Variants in PFN1 observed in about 807,000 individuals in gnomAD.
The protein encoded by PFN1 is profilin 1.
PFN1 carries 2 observed loss-of-function variants against 11.7 expected under a neutral mutation model. That is an observed-to-expected ratio of 0.17 (90% confidence interval 0.07 to 0.54). The LOEUF (loss-of-function observed/expected upper bound fraction) is 0.54. Among genes scored for constraint, PFN1 ranks in the 20% least tolerant of loss-of-function variants. PFN1 has a pLI of 0.94. For missense variants in PFN1, 97 were observed against 188.4 expected (o/e 0.51, Z 2.84); for synonymous variants, 78 against 76.2 (o/e 1.02, Z -0.12).
chr17:4,946,891 C>T (rs746405043), intron 1 of PFN1, 71 bp from the exon 2 acceptor site: 16 of 1,415,062 alleles, frequency 1.1e-5, no homozygotes, highest in Non-Finnish European at 1.5e-5. Context: ...TCCAAAGACC[C>T]ACCTGTCTTC....
chr17:4,948,012 T>A, intron 1 of PFN1: 2 of 369,374 alleles, frequency 5.4e-6, no homozygotes, highest in African/African-American at 2.2e-5. Context: ...CTCCCCGCCC[T>A]GTGCCCCGGA....
At position 4,946,945 on chromosome 17, in the gene PFN1, T is replaced by C. The variant is rs2233655; in HGVS notation, c.133-125A>G. 0.013 allele frequency: 9,497 copies of C among 712,276 alleles called. 100 individuals are homozygous for C. Among genetic ancestry groups the C allele is most frequent in the Middle Eastern group, 0.017 (42 of 2,482 alleles). The allele number at this position is 712,276 out of a possible 1,614,324, so 44.1% of individuals were successfully genotyped here. A position where few individuals can be genotyped will look rare whatever the true frequency, so the allele number is the denominator to read the frequency against. ...CGCCGTGGGGGCTAAGTATAAATTATATACTCAGTACACATCAATGAACTG... is the reference window on the plus strand; with the variant it reads ...CGCCGTGGGGGCTAAGTATAAATTACATACTCAGTACACATCAATGAACTG... On this transcript the variant is annotated intron_variant, in intron 1 of 2. Coordinates refer to ENST00000225655, the MANE Select transcript of PFN1 (RefSeq NM_005022.4).
chr17:4,945,666 T>C lies in PFN1; in HGVS notation c.*234A>G, dbSNP rs1051713119. 9 of 434,550 alleles carry C rather than the reference T, an allele frequency of 2.1e-5. No individual in the cohort carries two copies. Among genetic ancestry groups the C allele is most frequent in the Non-Finnish European group, 3.3e-5 (8 of 240,136 alleles). The allele number at this position is 434,550 out of a possible 1,614,324, so 26.9% of individuals were successfully genotyped here. On this transcript the variant is annotated 3_prime_UTR_variant, in exon 3 of 3. Transcript: ENST00000225655. ...CACACAGCACCTTGTTAGTAGAATC[T>C]TTTTTATTCAGAAAAAAAAAACCCC...
chr17:4,947,110 G>A (rs1399568959), intron 1 of PFN1: 3 of 207,602 alleles, frequency 1.4e-5, no homozygotes, highest in African/African-American at 2.3e-5. Flanking sequence ...AGTAAACCCA[G>A]GAAATAAAGG....
rs765843737 is a variant in PFN1 at position 4,945,957 on chromosome 17, A to G, written c.366T>C (p.Gly122=). 3 of 1,613,638 alleles carry G rather than the reference A, an allele frequency of 1.9e-6. No individual in the cohort carries two copies. Among genetic ancestry groups the G allele is most frequent in the Non-Finnish European group, 2.5e-6 (3 of 1,179,624 alleles). The change falls in exon 3 of 3, where the codon GGT becomes GGC. Residue 122 remains glycine (G), a synonymous_variant. Transcript: ENST00000225655. ...TTTCATAACATTTCTTGTTGATCAAACCACCGTGGACACCTTCTTTGCCCA... is the reference window on the plus strand; with the variant it reads ...TTTCATAACATTTCTTGTTGATCAAGCCACCGTGGACACCTTCTTTGCCCA... ...LLMGKEGVHG[G]LINKKCYEMA...
chr17:4,946,240 T>C lies in PFN1; in HGVS notation c.326-243A>G, dbSNP rs150230974. 1.1e-3 allele frequency among the ~76,000 whole-genome samples: 163 copies of C among 151,966 alleles called. 1 individual carries two copies. The highest frequency in any genetic ancestry group is 3.6e-3 in the African/African-American group (149 of 41,424). On this transcript the variant is annotated intron_variant, in intron 2 of 2. Coordinates refer to ENST00000225655, the MANE Select transcript of PFN1 (RefSeq NM_005022.4). ...TAAAAACTTAGGGGTCAAAGGCTCA[T>C]AGACTGTTGATTCATGTGTTCAGGC...
chr17:4,946,959 A>G (rs1011908473), intron 1 of PFN1, 139 bp from the exon 2 acceptor site: 4 of 587,504 alleles, frequency 6.8e-6, no homozygotes, highest in South Asian at 5.0e-5. Flanking sequence ...CTCAGTACAC[A>G]TCAATGAACT....
In PFN1 at chr17:4,948,381, T is replaced by C; in HGVS notation, c.14A>G (p.Asn5Ser). MAGW[N>S]AYIDNLMADG... ...CGCCATGAGGTTGTCGATGTAGGCG[T>C]TCCACCCGGCCATGGCGCTGCTACT... The change falls in exon 1 of 3, where the codon AAC becomes AGC. Residue 5 changes from asparagine (N) to serine (S), a missense_variant. Coordinates refer to ENST00000225655, the MANE Select transcript of PFN1 (RefSeq NM_005022.4). 2.5e-6 allele frequency: 4 copies of C among 1,606,300 alleles called. No individual in the cohort carries two copies. Among genetic ancestry groups the C allele is most frequent in the Non-Finnish European group, 2.5e-6 (3 of 1,177,774 alleles).
intron 2 of PFN1, 128 bp from the exon 3 acceptor site, chr17:4,946,125 C>T (rs937772502): frequency 1.5e-6 from 1 of 652,452 alleles, no homozygotes; most frequent in East Asian, 2.7e-5. Flanking sequence ...CCCGCCCCCC[C>T]ACCACACACA....
rs1311925716 is a variant in PFN1, at chr17:4,948,409, G to T, written c.-15C>A. On this transcript the variant is annotated 5_prime_UTR_variant, in exon 1 of 3. Transcript: ENST00000225655. Reference sequence around the variant, plus strand: ...CACCCGGCCATGGCGCTGCTACTGGGGCTGCTCTCGGCGCTGCTGCTGGGG... The same window carrying T: ...CACCCGGCCATGGCGCTGCTACTGGTGCTGCTCTCGGCGCTGCTGCTGGGG... 5 of 1,588,288 alleles carry T rather than the reference G, an allele frequency of 3.1e-6. No homozygotes were observed. The highest frequency in any genetic ancestry group is 4.3e-6 in the Non-Finnish European group (5 of 1,171,200).
At chr17:4,946,476 C>T in intron 2 of PFN1, 152 bp downstream of exon 2, 1 of 619,612 alleles carries the variant, frequency 1.6e-6, no homozygotes, top group Non-Finnish European at 2.8e-6. Context: ...GAGGGACTAT[C>T]CCGTGTTCCA....
Position 4,948,294 on chromosome 17 carries a change from G to A in PFN1, c.101C>T (p.Ala34Val). The part of the protein sequence containing the change: ...GYKDSPSVWA[A>V]VPGKTFVNIT... ...GTTGACGAACGTTTTCCCGGGGACG[G>A]CGGCCCAGACGGAGGGCGAGTCCTT... The change falls in exon 1 of 3, where the codon GCC becomes GTC. Residue 34 changes from alanine (A) to valine (V), a missense_variant. By Grantham distance (64) the Ala-to-Val change is moderately conservative (BLOSUM62 0). Coordinates refer to ENST00000225655, the MANE Select transcript of PFN1 (RefSeq NM_005022.4). 1 of 1,609,728 alleles carries A rather than the reference G, an allele frequency of 6.2e-7. No individual in the cohort carries two copies. The highest frequency in any genetic ancestry group is 8.5e-7 in the Non-Finnish European group (1 of 1,178,634).
intron 2 of PFN1, 87 bp from the exon 3 acceptor site, chr17:4,946,084 G>A (rs1263094975): frequency 7.0e-6 from 7 of 997,958 alleles, no homozygotes; most frequent in Non-Finnish European, 1.1e-5. Flanking sequence ...GTCCAGCCCT[G>A]GGGGCTGTAA....
intron 1 of PFN1, chr17:4,948,036 C>G (rs1597689821): frequency 2.1e-6 from 1 of 468,052 alleles, no homozygotes; most frequent in East Asian, 3.7e-5. Context: ...AACGCCCCGT[C>G]GCGGAAAGCG....
Position 4,945,951 on chromosome 17 carries a change from G to A in PFN1, c.372C>T (p.Ile124=), listed in dbSNP as rs1395335798. The A allele has an allele frequency of 6.2e-6, 10 of 1,613,682 alleles. No individual in the cohort carries two copies. Among genetic ancestry groups the A allele is most frequent in the Non-Finnish European group, 8.5e-6 (10 of 1,179,626 alleles). The change falls in exon 3 of 3, where the codon ATC becomes ATT. Residue 124 remains isoleucine, a synonymous_variant. Coordinates refer to ENST00000225655, the MANE Select transcript of PFN1 (RefSeq NM_005022.4). ...AGGCCATTTCATAACATTTCTTGTT[G>A]ATCAAACCACCGTGGACACCTTCTT... ...MGKEGVHGGL[I]NKKCYEMASH...
At chr17:4,946,870 C>A in intron 1 of PFN1, 50 bp from the exon 2 acceptor site, 1 of 1,528,510 alleles carries the variant, frequency 6.5e-7, no homozygotes, top group South Asian at 1.2e-5. Context: ...ACCAAGATTC[C>A]CACCGTGTTC....
chr17:4,946,609 G>GTA lies in PFN1; in HGVS notation c.325+17_325+18dup. The GTA allele has an allele frequency of 6.3e-7, 1 of 1,586,906 alleles. No homozygotes were observed. Among genetic ancestry groups the GTA allele is most frequent in the Non-Finnish European group, 8.6e-7 (1 of 1,164,232 alleles). ...TAGAGATCTTGGAGCTAAAGGAAGG[G>GTA]TAAGACTCAGGAACTCACTCTTGTC... On this transcript the variant is annotated intron_variant, in intron 2 of 2. Coordinates refer to ENST00000225655, the MANE Select transcript of PFN1 (RefSeq NM_005022.4).
intron 2 of PFN1, among the ~76,000 whole-genome samples, chr17:4,946,396 CAGTA>C (rs1490574348): frequency 1.3e-5 from 2 of 152,110 alleles, no homozygotes; most frequent in Non-Finnish European, 2.9e-5. Flanking sequence ...GAGCTCAAGG[CAGTA>C]AGTAATTTAA....
chr17:4,948,056 G>C, intron 1 of PFN1: 1 of 492,774 alleles, frequency 2.0e-6, no homozygotes, highest in Non-Finnish European at 3.4e-6. Flanking sequence ...GGGGTAGCGG[G>C]CGGGATGGGC....
Sources: allele counts gnomAD v4.1 joint callset (sites outside exome capture counted in the v4.1 genomes callset), GRCh38; gene constraint gnomAD v4.1.1; transcripts MANE v1.5; gene names NCBI Gene and HGNC (gene_info 2026-07-23, HGNC 2026-07-21).